Variants in DPP6 observed in about 807,000 individuals in gnomAD.
DPP6 encodes the protein dipeptidyl peptidase like 6.
In DPP6, 69 loss-of-function variants were observed where a neutral mutation model predicts 122.6. That is an observed-to-expected ratio of 0.56 (90% CI 0.46 to 0.69). The LOEUF (loss-of-function observed/expected upper bound fraction) is 0.69, where lower values mean the gene tolerates loss of function less well. DPP6 is among the 30% of genes least tolerant of loss of function. The pLI is 0.00. For synonymous variants in DPP6, 418 were observed against 433.1 expected, an observed-to-expected ratio of 0.97 and a Z score of 0.43; for missense variants, 928 against 1,116.9, an observed-to-expected ratio of 0.83 and a Z score of 2.41.
intron 1 of DPP6, among the ~76,000 whole-genome samples, chr7:154,002,360 A>T (rs181251064): frequency 3.5e-3 from 531 of 152,166 alleles, no homozygotes; most frequent in Non-Finnish European, 5.6e-3. Context: ...GATCCCACAT[A>T]TCTCTTTTAT....
upstream of DPP6, among the ~76,000 whole-genome samples, chr7:153,885,115 G>T (rs1798861694): frequency 6.7e-6 from 1 of 149,384 alleles, no homozygotes; most frequent in African/African-American, 2.5e-5. Context: ...CATGCTTGGT[G>T]GGAAAGAGAG....
chr7:153,931,054 G>A (rs1020729514), intron 1 of DPP6, among the ~76,000 whole-genome samples: 2 of 152,100 alleles, frequency 1.3e-5, no homozygotes, highest in African/African-American at 4.8e-5. Context: ...CCATCCCAAG[G>A]TGACTCCTGT....
chr7:154,881,542 C>G (rs370686513), intron 21 of DPP6, among the ~76,000 whole-genome samples: 1 of 152,198 alleles, frequency 6.6e-6, no homozygotes, highest in African/African-American at 2.4e-5. Flanking sequence ...CTCTTGATCT[C>G]AAGAAGGCCA....
chr7:154,104,920 T>G (rs1317147591), intron 1 of DPP6, among the ~76,000 whole-genome samples: 4 of 151,546 alleles, frequency 2.6e-5, no homozygotes, highest in Non-Finnish European at 5.9e-5. Context: ...AGGCTGGGAG[T>G]GGTGGCACAC....
chr7:154,547,127 G>T (rs1006092108), intron 4 of DPP6, among the ~76,000 whole-genome samples: 3 of 152,242 alleles, frequency 2.0e-5, no homozygotes, highest in Non-Finnish European at 1.5e-5. Flanking sequence ...AGTGGGCTCA[G>T]CCTCGGTTTC....
At chr7:153,786,219 T>C in the DPP6 span, among the ~76,000 whole-genome samples, 1 of 150,134 alleles carries the variant, frequency 6.7e-6, no homozygotes, top group East Asian at 1.9e-4. Flanking sequence ...AATATTTATA[T>C]TTCAATCTGC....
chr7:154,371,396 A>AG (rs1344615593), intron 1 of DPP6, among the ~76,000 whole-genome samples: 1 of 141,286 alleles, frequency 7.1e-6, no homozygotes, highest in Non-Finnish European at 1.5e-5. Flanking sequence ...AAAAAAAAAA[A>AG]AAAAAAAAGA....
chr7:154,351,234 T>C (rs1300541471), intron 1 of DPP6, among the ~76,000 whole-genome samples: 2 of 152,120 alleles, frequency 1.3e-5, no homozygotes, highest in Non-Finnish European at 2.9e-5. Flanking sequence ...GAGGACGGTT[T>C]CCCTGGTGAG....
intron 1 of DPP6, among the ~76,000 whole-genome samples, chr7:153,965,184 A>G (rs1310103969): frequency 6.6e-6 from 1 of 151,902 alleles, no homozygotes; most frequent in African/African-American, 2.4e-5. Context: ...GTATCTCATA[A>G]TATTTATTTT....
intron 16 of DPP6, among the ~76,000 whole-genome samples, chr7:154,820,830 C>A (rs1799714531): frequency 6.6e-6 from 1 of 152,116 alleles, no homozygotes; most frequent in African/African-American, 2.4e-5. Context: ...GAAAAGAAAC[C>A]TAATGAGTGT....
At chr7:154,454,151 A>C (rs1191397977) in intron 2 of DPP6, among the ~76,000 whole-genome samples, 1 of 152,148 alleles carries the variant, frequency 6.6e-6, no homozygotes. Flanking sequence ...CCATTTCATC[A>C]TGGGAAGCAC....
intron 1 of DPP6, among the ~76,000 whole-genome samples, chr7:154,300,314 G>C (rs77457604): frequency 0.011 from 1,686 of 152,320 alleles, 29 homozygotes; most frequent in African/African-American, 0.037. Context: ...GCCACCACGA[G>C]AGTACTTAGC....
chr7:154,168,321 G>T (rs978091736), intron 1 of DPP6, among the ~76,000 whole-genome samples: 2 of 152,160 alleles, frequency 1.3e-5, no homozygotes, highest in South Asian at 2.1e-4. Context: ...AGCTGGCCGC[G>T]CAGATCCAGG....
At chr7:154,297,690 T>A (rs1325526114) in intron 1 of DPP6, among the ~76,000 whole-genome samples, 1 of 152,214 alleles carries the variant, frequency 6.6e-6, no homozygotes, top group Non-Finnish European at 1.5e-5. Flanking sequence ...TAAATACAGT[T>A]TGGAGACAAG....
chr7:154,060,756 G>A (rs1325882356), intron 1 of DPP6, among the ~76,000 whole-genome samples: 24 of 125,602 alleles, frequency 1.9e-4, no homozygotes, highest in Non-Finnish European at 2.9e-4. Flanking sequence ...CTGAGAGCCA[G>A]TCCCTCTTCC....
intron 7 of DPP6, among the ~76,000 whole-genome samples, chr7:154,698,960 C>A (rs1840367138): frequency 6.6e-6 from 1 of 152,168 alleles, no homozygotes; most frequent in South Asian, 2.1e-4. Context: ...ATCTGAGTAA[C>A]CTACAGACGG....
At chr7:154,198,848 C>A (rs868600548) in intron 1 of DPP6, among the ~76,000 whole-genome samples, 2 of 152,080 alleles carry the variant, frequency 1.3e-5, no homozygotes, top group South Asian at 4.2e-4. Context: ...GAGGGCCTGA[C>A]GAGGGTGGGT....
chr7:153,895,148 A>C (rs2128995545), intron 1 of DPP6, among the ~76,000 whole-genome samples: 1 of 152,110 alleles, frequency 6.6e-6, no homozygotes, highest in Admixed American at 6.5e-5. Flanking sequence ...CACGCCCAGA[A>C]AAAATTAATC....
At chr7:154,396,512 G>C (rs925488674) in intron 1 of DPP6, among the ~76,000 whole-genome samples, 1 of 152,134 alleles carries the variant, frequency 6.6e-6, no homozygotes, top group African/African-American at 2.4e-5. Flanking sequence ...GCACCTTCCT[G>C]AACCAAGGGA....
Sources: gnomAD v4.1 joint callset for allele counts (sites outside exome capture counted in the v4.1 genomes callset) on GRCh38, gnomAD v4.1.1 for gene constraint, MANE v1.5 for transcripts, NCBI Gene and HGNC (gene_info 2026-07-23, HGNC 2026-07-21) for gene names.